MALRD1: variants seen among roughly 807,000 people sequenced by gnomAD.
MALRD1 encodes MAM and LDL-receptor class A domain-containing protein 1.
In MALRD1, 247 loss-of-function variants were observed where a neutral mutation model predicts 242.1. The ratio of observed to expected loss-of-function variants is 1.02; its 90% CI spans 0.92 to 1.13. The LOEUF (loss-of-function observed/expected upper bound fraction) is 1.13, where lower values mean the gene tolerates loss of function less well. MALRD1 is among the 50% of genes most tolerant of loss of function. The pLI, the probability that MALRD1 is intolerant of heterozygous loss-of-function variation, is 0.00. For synonymous variants in MALRD1, 995 were observed against 866.6 expected, an observed-to-expected ratio of 1.15 and a Z score of -2.60; for missense variants, 2,989 against 2,533.1, an observed-to-expected ratio of 1.18 and a Z score of -3.86.
intron 6 of MALRD1, 102 bp from the exon 7 acceptor site, chr10:19,124,422 T>A (rs1837179054): frequency 2.1e-6 from 2 of 950,128 alleles, no homozygotes; most frequent in Non-Finnish European, 2.7e-6. Flanking sequence ...TGCTGATGTG[T>A]ATGTGTGTAT....
chr10:19,536,708 T>C (rs1465539922), intron 32 of MALRD1, among the ~76,000 whole-genome samples: 1 of 152,106 alleles, frequency 6.6e-6, no homozygotes, highest in Admixed American at 6.5e-5. Flanking sequence ...TGAGTGACAG[T>C]CAGCTTCAAT....
chr10:19,397,213 A>G (rs1846622110), intron 28 of MALRD1, among the ~76,000 whole-genome samples: 1 of 152,048 alleles, frequency 6.6e-6, no homozygotes. Flanking sequence ...CTGTAACTTC[A>G]TACTCCACCA....
At chr10:19,177,576 G>C (rs1255609289) in intron 14 of MALRD1, among the ~76,000 whole-genome samples, 1 of 152,088 alleles carries the variant, frequency 6.6e-6, no homozygotes, top group Non-Finnish European at 1.5e-5. Flanking sequence ...GTTTATCAAA[G>C]TTTTACTTGA....
At chr10:19,112,950 T>C (rs1836731655) in intron 5 of MALRD1, among the ~76,000 whole-genome samples, 2 of 152,330 alleles carry the variant, frequency 1.3e-5, no homozygotes, top group Non-Finnish European at 2.9e-5. Context: ...CATATTCTTC[T>C]CTTTTTTTCA....
chr10:19,394,635 T>C (rs1028558220), intron 28 of MALRD1, among the ~76,000 whole-genome samples: 6 of 152,172 alleles, frequency 3.9e-5, no homozygotes, highest in African/African-American at 1.4e-4. Flanking sequence ...CACCCCATCC[T>C]CTGCACGCAT....
At chr10:19,131,554 T>C (rs74773632) in intron 8 of MALRD1, among the ~76,000 whole-genome samples, 9,379 of 152,182 alleles carry the variant, frequency 0.062, 314 homozygotes, top group South Asian at 0.14. Context: ...TACCAATAAA[T>C]TTACATGTAA....
chr10:19,635,358 T>C (rs1369335807), intron 36 of MALRD1, among the ~76,000 whole-genome samples: 2 of 152,150 alleles, frequency 1.3e-5, no homozygotes, highest in African/African-American at 4.8e-5. Flanking sequence ...AGTGTGTTTA[T>C]GATCCTCAAA....
intron 36 of MALRD1, among the ~76,000 whole-genome samples, chr10:19,627,632 G>C (rs573797373): frequency 6.6e-6 from 1 of 151,502 alleles, no homozygotes; most frequent in African/African-American, 2.4e-5. Context: ...GTGGTGGCAG[G>C]TTCCTGTAAT....
intron 28 of MALRD1, among the ~76,000 whole-genome samples, chr10:19,449,104 A>C (rs1835164943): frequency 6.6e-6 from 1 of 152,228 alleles, no homozygotes; most frequent in African/African-American, 2.4e-5. Flanking sequence ...TTCATCAAAT[A>C]TAAATAATTT....
Position 19,705,804 on chromosome 10 carries a change from T to TA in MALRD1, c.6314+13264dup, listed in dbSNP as rs61437328. Among the ~76,000 whole-genome samples the TA allele has an allele frequency of 1.9e-3, 195 of 102,866 alleles. 7 individuals are homozygous for TA. The highest frequency in any genetic ancestry group is 2.5e-3 in the African/African-American group (53 of 21,024). The allele number at this position is 102,866 out of a possible 152,430, so 67.5% of individuals were successfully genotyped here. A position where few individuals can be genotyped will look rare whatever the true frequency, so the allele number is the denominator to read the frequency against. ...ACCTTGTTCTCATGTCCTGCAATAG[T>TA]AAAAAAAAAAAAAAGCCCACAAGAG... On this transcript the variant is annotated intron_variant, in intron 38 of 39. Coordinates refer to ENST00000454679, the MANE Select transcript of MALRD1 (RefSeq NM_001142308.3).
chr10:19,230,159 A>C (rs779546527), intron 18 of MALRD1, among the ~76,000 whole-genome samples: 1 of 152,178 alleles, frequency 6.6e-6, no homozygotes, highest in Non-Finnish European at 1.5e-5. Flanking sequence ...GCCATGTGGA[A>C]CTGTGAATTC....
At chr10:19,714,455 A>C (rs573433571) in intron 38 of MALRD1, among the ~76,000 whole-genome samples, 3 of 151,620 alleles carry the variant, frequency 2.0e-5, no homozygotes, top group Admixed American at 6.6e-5. Context: ...AGCTGCCTGC[A>C]TGTCTGTCTG....
intron 39 of MALRD1, among the ~76,000 whole-genome samples, chr10:19,733,925 G>C (rs987503107): frequency 6.6e-6 from 1 of 151,976 alleles, no homozygotes; most frequent in Non-Finnish European, 1.5e-5. Flanking sequence ...CCGACCAGAG[G>C]TGAGGCAGTG....
intron 4 of MALRD1, among the ~76,000 whole-genome samples, chr10:19,094,177 G>T (rs199679795): frequency 1.9e-5 from 2 of 103,436 alleles, no homozygotes; most frequent in Non-Finnish European, 2.0e-5. Context: ...AATGGCGGGC[G>T]CCCCTCCCCC....
chr10:19,437,445 C>T (rs1834394218), intron 28 of MALRD1, among the ~76,000 whole-genome samples: 1 of 151,954 alleles, frequency 6.6e-6, no homozygotes, highest in African/African-American at 2.4e-5. Context: ...GAAATGTCAC[C>T]AGGACGTGTT....
chr10:19,442,787 T>C (rs1327687935), intron 28 of MALRD1, among the ~76,000 whole-genome samples: 1 of 152,154 alleles, frequency 6.6e-6, no homozygotes, highest in Non-Finnish European at 1.5e-5. Context: ...TCTCTTTTTT[T>C]GCTGTGTCTC....
At chr10:19,060,727 G>T (rs574667591) in intron 1 of MALRD1, among the ~76,000 whole-genome samples, 1 of 152,146 alleles carries the variant, frequency 6.6e-6, no homozygotes, top group African/African-American at 2.4e-5. Flanking sequence ...CCAGAGAGAG[G>T]TCACAGAGTA....
intron 10 of MALRD1, among the ~76,000 whole-genome samples, chr10:19,140,693 A>G (rs1343588448): frequency 6.6e-6 from 1 of 152,128 alleles, no homozygotes; most frequent in East Asian, 1.9e-4. Context: ...CCAGACAGAG[A>G]AAGATAAATA....
intron 5 of MALRD1, among the ~76,000 whole-genome samples, chr10:19,115,039 T>C (rs1836820879): frequency 2.0e-5 from 3 of 152,206 alleles, no homozygotes; most frequent in African/African-American, 7.2e-5. Flanking sequence ...AGTAGTACTT[T>C]GGGTTAACAG....
Sources: gnomAD v4.1 joint callset for allele counts (sites outside exome capture counted in the v4.1 genomes callset) on GRCh38, gnomAD v4.1.1 for gene constraint, MANE v1.5 for transcripts, NCBI Gene and HGNC (gene_info 2026-07-23, HGNC 2026-07-21) for gene names.